BTRC: variants seen among roughly 807,000 people sequenced by gnomAD.
BTRC encodes beta-transducin repeat containing E3 ubiquitin protein ligase, also known as F-box/WD repeat-containing protein 1A.
Under a neutral mutation model 85.5 loss-of-function variants are expected in BTRC, and 42 were observed. The ratio of observed to expected loss-of-function variants is 0.49; its 90% CI spans 0.38 to 0.64. The LOEUF (loss-of-function observed/expected upper bound fraction) is 0.64, where lower values mean the gene tolerates loss of function less well. Ranked by LOEUF, BTRC falls within the 30% of genes least tolerant of loss-of-function variation. BTRC has a pLI of 0.00. For synonymous variants in BTRC, 255 were observed against 263.3 expected (o/e 0.97, Z 0.30); for missense variants, 594 against 743.5 (o/e 0.80, Z 2.34).
At chr10:101,547,328 C>CTT (rs71016332) in intron 13 of BTRC, among the ~76,000 whole-genome samples, 9,259 of 79,758 alleles carry the variant, frequency 0.12, 1,652 homozygotes, top group Non-Finnish European at 0.14. Flanking sequence ...TATGGTTTTT[C>CTT]TTTTTTTTTT....
intron 1 of BTRC, among the ~76,000 whole-genome samples, chr10:101,389,996 G>T (rs965289287): frequency 6.6e-6 from 1 of 151,996 alleles, no homozygotes; most frequent in African/African-American, 2.4e-5. Context: ...TGAGTCCTTC[G>T]TTTATCCTTT....
At chr10:101,515,746 C>T (rs1425615023) in intron 4 of BTRC, among the ~76,000 whole-genome samples, 2 of 152,038 alleles carry the variant, frequency 1.3e-5, no homozygotes, top group Middle Eastern at 3.2e-3. Flanking sequence ...CTCCTGACCT[C>T]GTGATCCGCC....
chr10:101,413,116 T>C (rs1943827707), intron 1 of BTRC, among the ~76,000 whole-genome samples: 1 of 151,918 alleles, frequency 6.6e-6, no homozygotes, highest in African/African-American at 2.4e-5. Context: ...AGTGGTTTTT[T>C]TGTTTGTTTG....
At chr10:101,460,090 A>G (rs1412623485) in intron 2 of BTRC, among the ~76,000 whole-genome samples, 2 of 152,120 alleles carry the variant, frequency 1.3e-5, no homozygotes, top group Non-Finnish European at 2.9e-5. Flanking sequence ...TGATCTTTTT[A>G]TTTATTTATT....
chr10:101,448,701 G>T (rs1944887603), intron 2 of BTRC, among the ~76,000 whole-genome samples: 1 of 152,030 alleles, frequency 6.6e-6, no homozygotes, highest in African/African-American at 2.4e-5. Flanking sequence ...AAAATGGAAA[G>T]CAGGATTTAC....
chr10:101,534,634 C>A, intron 9 of BTRC, 27 bp from the exon 10 acceptor site: 2 of 1,612,556 alleles, frequency 1.2e-6, no homozygotes, highest in South Asian at 1.1e-5. Flanking sequence ...GCTTGAGTAC[C>A]ATCTAAATCT....
In BTRC at chr10:101,521,738, G is replaced by T; in HGVS notation, c.424G>T (p.Glu142Ter). The change falls in exon 5 of 15, where the codon GAG becomes TAG. Residue 142 changes from glutamate to a stop codon, truncating the protein, a stop_gained. Transcript: ENST00000370187. LOFTEE classifies it high-confidence loss of function. ...AAAGGAACTGTGTGTCAAATACTTT[G>T]AGCAGTGGTCAGAGTCAGATCAAGT... The part of the protein sequence containing the change: ...KEKELCVKYF[E>*]QWSESDQVEF... 6.2e-7 allele frequency: 1 copy of T among 1,614,104 alleles called. No individual in the cohort carries two copies. Among genetic ancestry groups the T allele is most frequent in the South Asian group, 1.1e-5 (1 of 91,070 alleles).
At chr10:101,510,582 A>G (rs1281280073) in intron 4 of BTRC, among the ~76,000 whole-genome samples, 3 of 152,078 alleles carry the variant, frequency 2.0e-5, no homozygotes, top group African/African-American at 7.2e-5. Context: ...TCTAGAGAGT[A>G]TAATATAGAC....
At chr10:101,498,305 C>G (rs756591639) in intron 4 of BTRC, among the ~76,000 whole-genome samples, 17 of 151,940 alleles carry the variant, frequency 1.1e-4, no homozygotes, top group Non-Finnish European at 2.4e-4. Flanking sequence ...AGACATGTGC[C>G]ACCACGCACA....
chr10:101,460,179 A>G (rs9420820), intron 2 of BTRC, among the ~76,000 whole-genome samples: 55,849 of 151,924 alleles, frequency 0.37, 11,498 homozygotes, highest in Middle Eastern at 0.48. Context: ...TTAAGCTTCT[A>G]TTATATAAGG....
chr10:101,505,525 CAGG>C (rs1398213439), intron 4 of BTRC, among the ~76,000 whole-genome samples: 1 of 151,356 alleles, frequency 6.6e-6, no homozygotes, highest in African/African-American at 2.4e-5. Flanking sequence ...GAAGCTGAGG[CAGG>C]AGAATGGCGT....
chr10:101,356,295 A>G (rs1391197331), intron 1 of BTRC, among the ~76,000 whole-genome samples: 1 of 152,098 alleles, frequency 6.6e-6, no homozygotes, highest in Non-Finnish European at 1.5e-5. Context: ...CACAGCGCCC[A>G]GCAGAGGGTT....
intron 4 of BTRC, among the ~76,000 whole-genome samples, chr10:101,499,096 A>T (rs1447066002): frequency 6.6e-6 from 1 of 152,166 alleles, no homozygotes; most frequent in Non-Finnish European, 1.5e-5. Flanking sequence ...GTTATTTCAT[A>T]TGACAATTGT....
intron 4 of BTRC, among the ~76,000 whole-genome samples, chr10:101,501,390 C>T (rs904548179): frequency 6.6e-6 from 1 of 152,180 alleles, no homozygotes; most frequent in Admixed American, 6.5e-5. Context: ...ACATGAACTC[C>T]CATGCCAGCA....
intron 5 of BTRC, among the ~76,000 whole-genome samples, chr10:101,524,046 C>T (rs2062156894): frequency 6.6e-6 from 1 of 152,094 alleles, no homozygotes; most frequent in Non-Finnish European, 1.5e-5. Context: ...CTCATAGCCT[C>T]CCAACTATTA....
intron 2 of BTRC, among the ~76,000 whole-genome samples, chr10:101,438,422 CAAAAAAAA>C (rs34955428): frequency 3.1e-4 from 18 of 57,776 alleles, no homozygotes; most frequent in African/African-American, 1.3e-3. Context: ...GAGACTGCCT[CAAAAAAAA>C]AAAAAAAAAA....
At chr10:101,518,501 C>G (rs1329025056) in intron 4 of BTRC, among the ~76,000 whole-genome samples, 1 of 152,152 alleles carries the variant, frequency 6.6e-6, no homozygotes, top group African/African-American at 2.4e-5. Context: ...AGTCAAAGCC[C>G]AGATTCACAG....
intron 1 of BTRC, among the ~76,000 whole-genome samples, chr10:101,364,482 C>T (rs1212321130): frequency 4.3e-5 from 6 of 140,382 alleles, no homozygotes; most frequent in Non-Finnish European, 4.9e-5. Context: ...CCAACAACTC[C>T]TTTGTTAACA....
intron 4 of BTRC, among the ~76,000 whole-genome samples, chr10:101,488,835 G>C (rs950007669): frequency 6.6e-6 from 1 of 152,142 alleles, no homozygotes; most frequent in Admixed American, 6.5e-5. Flanking sequence ...AGAATTGGTA[G>C]GAAAGAGCCT....
Sources: gnomAD v4.1 joint callset for allele counts (sites outside exome capture counted in the v4.1 genomes callset) on GRCh38, gnomAD v4.1.1 for gene constraint, MANE v1.5 for transcripts, NCBI Gene and HGNC (gene_info 2026-07-23, HGNC 2026-07-21) for gene names.